Variants in ENKUR observed in about 807,000 individuals in gnomAD.
ENKUR encodes the protein enkurin.
In ENKUR, 19 loss-of-function variants were observed where a neutral mutation model predicts 27.6. That is an observed-to-expected ratio of 0.69 (90% CI 0.48 to 1.01). ENKUR has a LOEUF of 1.01. Ranked by LOEUF, ENKUR falls within the 50% of genes least tolerant of loss-of-function variation. The pLI is 0.00. For synonymous variants in ENKUR, 117 were observed against 96.9 expected, an observed-to-expected ratio of 1.21 and a Z score of -1.22; for missense variants, 312 against 310.5, an observed-to-expected ratio of 1.00 and a Z score of -0.04.
At chr10:25,018,999 C>T (rs181143798), upstream of ENKUR, among the ~76,000 whole-genome samples, 5 of 152,236 alleles carry the variant, frequency 3.3e-5, no homozygotes, top group Non-Finnish European at 5.9e-5. Flanking sequence ...TCCACCCTCA[C>T]CTCTGTTTCA....
In ENKUR at chr10:25,056,350, A is replaced by G. The variant is rs544606048; in HGVS notation, c.37+4762T>C. ...GGAAGGTAACAGCACACGCAGAATC[A>G]ATTCCAATGCAGGTCAGTCATGCAA... On this transcript the variant is annotated intron_variant, in intron 2 of 5. Transcript: ENST00000615958. Among the ~76,000 whole-genome samples, 40 of 152,350 alleles carry G rather than the reference A, an allele frequency of 2.6e-4. 1 individual carries two copies. Among genetic ancestry groups the G allele is most frequent in the African/African-American group, 9.1e-4 (38 of 41,590 alleles).
upstream of ENKUR, chr10:25,016,616 A>T (rs539355409): frequency 6.6e-6 from 1 of 152,370 alleles, no homozygotes; most frequent in African/African-American, 2.4e-5. Flanking sequence ...AAGGGCGTGG[A>T]GCGGAGGCAC....
chr10:24,998,883 C>G (rs1850124316), intron 2 of ENKUR, among the ~76,000 whole-genome samples: 1 of 152,166 alleles, frequency 6.6e-6, no homozygotes, highest in Non-Finnish European at 1.5e-5. Context: ...GGTTCTACCA[C>G]TTATTCATGA....
At chr10:25,062,278 G>C (rs191565639) in exon 1 of ENKUR, 6 of 152,128 alleles carry the variant, frequency 3.9e-5, no homozygotes, top group Non-Finnish European at 7.3e-5. Context: ...CTCTCTTAAG[G>C]GAGAGAAAAA....
chr10:25,018,622 A>G (rs567303510), upstream of ENKUR, among the ~76,000 whole-genome samples: 19 of 148,686 alleles, frequency 1.3e-4, no homozygotes, highest in South Asian at 3.9e-3. Context: ...CCCGTATATA[A>G]TGGTATGCCT....
In ENKUR at chr10:25,037,483, AC is replaced by A. The variant is rs1346791991; in HGVS notation, c.37+23628del. 1.3e-4 allele frequency among the ~76,000 whole-genome samples: 20 copies of A among 152,332 alleles called. 1 individual carries two copies. Among genetic ancestry groups the A allele is most frequent in the Admixed American group, 1.2e-3 (19 of 15,304 alleles). On this transcript the variant is annotated intron_variant, in intron 2 of 5. Transcript: ENST00000615958. ...CTGTTCTGCATGTCTAGCTCATCAA[AC>A]ATTTAATTTTCACTTTTATTTCCCA...
At chr10:25,023,038 A>C in intron 2 of ENKUR, 1 of 515,978 alleles carries the variant, frequency 1.9e-6, no homozygotes, top group East Asian at 3.2e-5. Flanking sequence ...TTTTAATTCC[A>C]TAAGTTTGGA....
intron 2 of ENKUR, among the ~76,000 whole-genome samples, chr10:25,053,405 C>T (rs987134454): frequency 1.3e-5 from 2 of 152,162 alleles, no homozygotes; most frequent in African/African-American, 4.8e-5. Flanking sequence ...TTCCTCCTGT[C>T]TAACTGAAAC....
At chr10:25,020,277 T>C (rs1179594756), upstream of ENKUR, among the ~76,000 whole-genome samples, 1 of 86,318 alleles carries the variant, frequency 1.2e-5, no homozygotes, top group East Asian at 7.7e-4. Context: ...TCTATATCTA[T>C]ATATATCTAC....
upstream of ENKUR, among the ~76,000 whole-genome samples, chr10:25,019,193 T>C (rs1171899127): frequency 1.3e-5 from 2 of 152,196 alleles, no homozygotes; most frequent in Non-Finnish European, 2.9e-5. Flanking sequence ...AAAATTTTAG[T>C]TGGGCACAGT....
At chr10:25,016,384 T>C (rs1850573065), upstream of ENKUR, among the ~76,000 whole-genome samples, 1 of 152,228 alleles carries the variant, frequency 6.6e-6, no homozygotes, top group Admixed American at 6.5e-5. Flanking sequence ...AAAATCCTAG[T>C]AGAGACGGCA....
chr10:25,008,380 G>C (rs1850363612), intron 1 of ENKUR, among the ~76,000 whole-genome samples: 1 of 152,178 alleles, frequency 6.6e-6, no homozygotes, highest in Non-Finnish European at 1.5e-5. Context: ...TCTGGATCAG[G>C]AGAAAATGAC....
At chr10:24,985,777 C>T (rs1849764510) in intron 4 of ENKUR, among the ~76,000 whole-genome samples, 1 of 152,148 alleles carries the variant, frequency 6.6e-6, no homozygotes, top group Non-Finnish European at 1.5e-5. Context: ...ATTATGGGCA[C>T]ATAGATTATT....
intron 2 of ENKUR, chr10:25,024,297 G>T (rs997145334): frequency 6.2e-7 from 1 of 1,614,024 alleles, no homozygotes; most frequent in Non-Finnish European, 8.5e-7. Flanking sequence ...TACAGCTTAT[G>T]CCTCATATTT....
intron 1 of ENKUR, among the ~76,000 whole-genome samples, chr10:25,007,290 T>G (rs1265732306): frequency 6.6e-6 from 1 of 152,202 alleles, no homozygotes; most frequent in East Asian, 1.9e-4. Context: ...ACTTATACAT[T>G]TCCCTGGCAA....
At chr10:24,988,177 T>A (rs1849820178) in intron 4 of ENKUR, among the ~76,000 whole-genome samples, 1 of 150,120 alleles carries the variant, frequency 6.7e-6, no homozygotes, top group Non-Finnish European at 1.5e-5. Context: ...TGAGCCAAGA[T>A]CATGCCACTG....
intron 2 of ENKUR, among the ~76,000 whole-genome samples, chr10:24,996,764 AC>A (rs1479584914): frequency 1.3e-5 from 2 of 152,186 alleles, no homozygotes; most frequent in African/African-American, 4.8e-5. Flanking sequence ...GCCAATACTT[AC>A]AGTTAAAAGT....
chr10:25,027,931 C>A (rs932103523), intron 2 of ENKUR, among the ~76,000 whole-genome samples: 4 of 152,092 alleles, frequency 2.6e-5, no homozygotes, highest in African/African-American at 9.7e-5. Context: ...TTCAGTCGTA[C>A]AAGCAAAAGA....
At chr10:25,037,674 C>T (rs2130465777) in intron 2 of ENKUR, among the ~76,000 whole-genome samples, 1 of 152,120 alleles carries the variant, frequency 6.6e-6, no homozygotes, top group South Asian at 2.1e-4. Context: ...CTCTTCTTTC[C>T]TTTTGTCTTT....
Sources: allele counts gnomAD v4.1 joint callset (sites outside exome capture counted in the v4.1 genomes callset), GRCh38; gene constraint gnomAD v4.1.1; transcripts MANE v1.5; gene names NCBI Gene and HGNC (gene_info 2026-07-23, HGNC 2026-07-21).